The following ANGPT4 variants were observed in gnomAD, a reference collection of about 807,000 sequenced individuals.
The protein encoded by ANGPT4 is angiopoietin-4.
A neutral mutation model predicts 53.0 loss-of-function variants in ANGPT4; 50 were observed. That is an observed-to-expected ratio of 0.94 (90% CI 0.75 to 1.20). ANGPT4 has a LOEUF of 1.20. Ranked by LOEUF, ANGPT4 falls within the 50% of genes most tolerant of loss-of-function variation. ANGPT4 has a pLI of 0.00. For missense variants in ANGPT4, 648 were observed against 637.1 expected (o/e 1.02, Z -0.18); for synonymous variants, 251 against 259.7 (o/e 0.97, Z 0.32).
Position 885,078 on chromosome 20 carries a change from C to A in ANGPT4, c.835G>T (p.Ala279Ser). 6.2e-7 allele frequency: 1 copy of A among 1,613,654 alleles called. No homozygotes were observed. Among genetic ancestry groups the A allele is most frequent in the Non-Finnish European group, 8.5e-7 (1 of 1,179,918 alleles). ...ACTGGGGCGCACACCGCTCACTCAC[C>A]CGGGGCCGAGGCGTTAGCCCTTTCT... ...VQERANASAP[A>S]FIMAGEQVFQ... is the part of the protein sequence containing the mutation. Residue 279 changes from alanine to serine, a missense_variant and splice_region_variant, in exon 4 of 9, where the codon GCC becomes TCC. Physicochemically the swap from Ala to Ser is moderately conservative, Grantham distance 99 (BLOSUM62 1). Coordinates refer to ENST00000381922, the MANE Select transcript of ANGPT4 (RefSeq NM_015985.4).
In ANGPT4 at chr20:885,202, G is replaced by A. The variant is rs1236451976; in HGVS notation, c.711C>T (p.Ile237=). 1 of 1,599,596 alleles carries A rather than the reference G, an allele frequency of 6.3e-7. No homozygotes were observed. Among genetic ancestry groups the A allele is most frequent in the South Asian group, 1.1e-5 (1 of 89,198 alleles). Residue 237 remains isoleucine, a synonymous_variant, in exon 4 of 9, where the codon ATC becomes ATT. Transcript: ENST00000381922. ...GCCTGACACCGCGCAGGCCGCGCTC[G>A]ATGTTGGTGAGGGCGGCGCTCTGGC... ...LSRQSAALTN[I]ERGLRGVRHN...
Position 873,014 on chromosome 20 carries a change from GC to G in ANGPT4, c.1457del (p.Gly486AlafsTer11). On this transcript the variant is annotated frameshift_variant, in exon 9 of 9. Coordinates refer to ENST00000381922, the MANE Select transcript of ANGPT4 (RefSeq NM_015985.4). LOFTEE classifies it high-confidence loss of function. ...MDGIRWHYFKGPSYSLRASRM... is the reference protein window; with the variant it reads ...MDGIRWHYFKXPSYSLRASRM... Reference sequence around the variant, plus strand: ...GAGAGGCACGCAGTGAGTAGCTGGGGCCCTTGAAGTAGTGCCAGCGGATGCC... The same window carrying G: ...GAGAGGCACGCAGTGAGTAGCTGGGGCCTTGAAGTAGTGCCAGCGGATGCC... 1.9e-6 allele frequency: 3 copies of G among 1,614,164 alleles called. No individual in the cohort carries two copies. The highest frequency in any genetic ancestry group is 2.5e-6 in the Non-Finnish European group (3 of 1,180,028).
At chr20:906,007 T>C (rs1982464577) in intron 1 of ANGPT4, among the ~76,000 whole-genome samples, 1 of 152,208 alleles carries the variant, frequency 6.6e-6, no homozygotes, top group Non-Finnish European at 1.5e-5. Flanking sequence ...GACCACACCC[T>C]TAGCCACTCG....
At chr20:907,905 A>G (rs946222066) in intron 1 of ANGPT4, among the ~76,000 whole-genome samples, 22 of 152,178 alleles carry the variant, frequency 1.4e-4, no homozygotes, top group African/African-American at 5.3e-4. Context: ...CTCTTCTCTT[A>G]TTGGATCCCC....
chr20:876,147 A>C (rs1423752952), intron 7 of ANGPT4, among the ~76,000 whole-genome samples: 1,047 of 53,180 alleles, frequency 0.02, 16 homozygotes, highest in African/African-American at 0.12. Context: ...CCTGTCTCAA[A>C]AAAAAAAAAA....
At chr20:888,673 C>T (rs1402625444) in intron 2 of ANGPT4, among the ~76,000 whole-genome samples, 2 of 152,194 alleles carry the variant, frequency 1.3e-5, no homozygotes, top group African/African-American at 2.4e-5. Context: ...GATGCTTAGG[C>T]CCCAGGAGCT....
chr20:880,977 C>T (rs544184016), intron 5 of ANGPT4, among the ~76,000 whole-genome samples, 194 bp downstream of exon 5: 3 of 152,354 alleles, frequency 2.0e-5, no homozygotes, highest in East Asian at 3.9e-4. Flanking sequence ...GTTAAGGATG[C>T]ACTTCCAACT....
In ANGPT4 at chr20:916,025, C is replaced by T. The variant is rs753031251; in HGVS notation, c.190G>A (p.Asp64Asn). 5 of 1,614,066 alleles carry T rather than the reference C, an allele frequency of 3.1e-6. No homozygotes were observed. The Admixed American group carries it at 6.7e-5, about 22-fold the overall frequency. The stretch of plus-strand genomic sequence containing the variant: ...GATTCTCTCTGGAGGGTGTTGGAGT[C>T]CCTGGAGACCTCAGGCCCCGGAGGG... ...PCPPGPEVSR[D>N]SNTLQRESLA... Residue 64 changes from aspartate to asparagine, a missense_variant, in exon 1 of 9, where the codon GAC becomes AAC. By Grantham distance (23) the Asp-to-Asn change is conservative. Coordinates refer to ENST00000381922, the MANE Select transcript of ANGPT4 (RefSeq NM_015985.4).
Position 881,285 on chromosome 20 carries a change from G to T in ANGPT4, c.837C>A (p.Ala279=). Residue 279 remains alanine (A), a splice_region_variant and synonymous_variant, in exon 5 of 9, where the codon GCC becomes GCA. Transcript: ENST00000381922. ...ACACCTGCTCACCTGCCATTATGAA[G>T]GCTGCAAAGGGACAACACAAAAGTC... ...VQERANASAP[A]FIMAGEQVFQ... The T allele has an allele frequency of 6.2e-7, 1 of 1,614,042 alleles. No homozygotes were observed. Among genetic ancestry groups the T allele is most frequent in the Non-Finnish European group, 8.5e-7 (1 of 1,179,878 alleles).
rs1009741947 is a variant in ANGPT4 at position 911,428 on chromosome 20, A to T, written c.309+4478T>A. Among the ~76,000 whole-genome samples the T allele has an allele frequency of 6.6e-6, 1 of 152,196 alleles. No homozygotes were observed. Among genetic ancestry groups the T allele is most frequent in the Admixed American group, 6.5e-5 (1 of 15,280 alleles). On this transcript the variant is annotated intron_variant, in intron 1 of 8. Coordinates refer to ENST00000381922, the MANE Select transcript of ANGPT4 (RefSeq NM_015985.4). The surrounding 1 kb of genome is among the most constrained non-coding windows in gnomAD (Gnocchi z 4.9). ...AGGGTGGGCATTGGTCATTTGGCAG[A>T]TGTGCCCTGGGTCTTCAGTGTGGAC...
rs918475030 is a variant in ANGPT4 at position 892,277 on chromosome 20, A to T, written c.310-1909T>A. On this transcript the variant is annotated intron_variant, in intron 1 of 8. Transcript: ENST00000381922. ...AACAACAACATAACGTTAATAATAA[A>T]ATGATGTTACGTTTCACACATACAA... Among the ~76,000 whole-genome samples, 13 of 152,090 alleles carry T rather than the reference A, an allele frequency of 8.5e-5. 1 individual carries two copies. The highest frequency in any genetic ancestry group is 1.8e-4 in the Non-Finnish European group (12 of 68,024).
rs1325892294 is a variant in ANGPT4 at position 873,076 on chromosome 20, A to C, written c.1396T>G (p.Tyr466Asp). The C allele has an allele frequency of 6.2e-7, 1 of 1,613,916 alleles. No homozygotes were observed. Among genetic ancestry groups the C allele is most frequent in the Non-Finnish European group, 8.5e-7 (1 of 1,180,018 alleles). Reference protein sequence around the residue: ...ACGLSNLNGVYYHAPDNKYKM... With the variant: ...ACGLSNLNGVDYHAPDNKYKM... ...TACTTGTTGTCGGGAGCGTGGTAGTAGACGCCGTTGAGGTTTGACAGGCCA... is the reference window on the plus strand; with the variant it reads ...TACTTGTTGTCGGGAGCGTGGTAGTCGACGCCGTTGAGGTTTGACAGGCCA... The change falls in exon 9 of 9, where the codon TAC becomes GAC. Residue 466 changes from tyrosine (Y) to aspartate (D), a missense_variant. Physicochemically the swap from Tyr to Asp is radical, Grantham distance 160. Transcript: ENST00000381922.
Position 879,160 on chromosome 20 carries a change from C to T in ANGPT4, c.1053+587G>A, listed in dbSNP as rs115062171. Among the ~76,000 whole-genome samples, 11 of 152,276 alleles carry T rather than the reference C, an allele frequency of 7.2e-5. No individual in the cohort carries two copies. The East Asian group carries it at 1.5e-3, about 21-fold the overall frequency. On this transcript the variant is annotated intron_variant, in intron 6 of 8. Coordinates refer to ENST00000381922, the MANE Select transcript of ANGPT4 (RefSeq NM_015985.4). Reference sequence around the variant, plus strand: ...ATTCCTTAAATGAACAGCAAGCAGACGCAAATAATAGAACTGCTGTATCAC... The same window carrying T: ...ATTCCTTAAATGAACAGCAAGCAGATGCAAATAATAGAACTGCTGTATCAC...
intron 1 of ANGPT4, among the ~76,000 whole-genome samples, chr20:896,541 G>A (rs1982058999): frequency 6.6e-6 from 1 of 152,198 alleles, no homozygotes; most frequent in Non-Finnish European, 1.5e-5. Flanking sequence ...AATGAAGATG[G>A]TAACAATGAT....
At chr20:896,075 C>T (rs1982038240) in intron 1 of ANGPT4, among the ~76,000 whole-genome samples, 1 of 152,128 alleles carries the variant, frequency 6.6e-6, no homozygotes, top group African/African-American at 2.4e-5. Context: ...AACAACGCCC[C>T]CAACACAAGG....
chr20:888,310 A>T lies in ANGPT4; in HGVS notation c.587+8T>A. On this transcript the variant is annotated splice_region_variant and intron_variant, in intron 3 of 8. Coordinates refer to ENST00000381922, the MANE Select transcript of ANGPT4 (RefSeq NM_015985.4). ...CTGTCCTAGTCTGGTGCCAGGTGCC[A>T]CACCCACCTGTTTTGGCCCTGAAGC... 6.2e-7 allele frequency: 1 copy of T among 1,611,894 alleles called. No homozygotes were observed. The highest frequency in any genetic ancestry group is 8.5e-7 in the Non-Finnish European group (1 of 1,179,152).
chr20:870,052 G>A lies in ANGPT4; in HGVS notation c.*2908C>T, dbSNP rs1980882575. On this transcript the variant is annotated 3_prime_UTR_variant, in exon 9 of 9. Coordinates refer to ENST00000381922, the MANE Select transcript of ANGPT4 (RefSeq NM_015985.4). ...GAGAATGAAGTCAACGGGGCAGATG[G>A]AGGGGCTGAGAGGTGGAGCTGACAT... 6.6e-6 allele frequency: 1 copy of A among 152,334 alleles called. No homozygotes were observed. Among genetic ancestry groups the A allele is most frequent in the Admixed American group, 6.5e-5 (1 of 15,288 alleles). 9.4% of individuals were successfully genotyped at this position (152,334 alleles called of 1,614,324 possible).
intron 2 of ANGPT4, among the ~76,000 whole-genome samples, chr20:889,368 T>C (rs1193914010): frequency 6.6e-6 from 1 of 152,214 alleles, no homozygotes; most frequent in Non-Finnish European, 1.5e-5. Context: ...CTAGATGGTA[T>C]AGCCGCCTGC....
intron 7 of ANGPT4, among the ~76,000 whole-genome samples, chr20:876,502 G>A (rs1000323625): frequency 4.6e-5 from 7 of 152,202 alleles, no homozygotes; most frequent in African/African-American, 1.2e-4. Flanking sequence ...GACAGTGATC[G>A]TAATATTGTT....
Sources: gnomAD v4.1 joint callset for allele counts (sites outside exome capture counted in the v4.1 genomes callset) on GRCh38, gnomAD v4.1.1 for gene constraint, Gnocchi (gnomAD v3.1) non-coding constraint, MANE v1.5 for transcripts, NCBI Gene and HGNC (gene_info 2026-07-23, HGNC 2026-07-21) for gene names.